ATF7IP: variants seen among roughly 807,000 people sequenced by gnomAD.
The protein encoded by ATF7IP is activating transcription factor 7-interacting protein 1.
ATF7IP carries 23 observed loss-of-function variants against 106.4 expected under a neutral mutation model. The ratio of observed to expected loss-of-function variants is 0.22; its 90% CI spans 0.16 to 0.31. The LOEUF is 0.31. ATF7IP is among the 10% of genes least tolerant of loss of function. The pLI is 1.00. For synonymous variants in ATF7IP, 542 were observed against 539.0 expected (o/e 1.01, Z -0.08); for missense variants, 1,334 against 1,524.3 (o/e 0.88, Z 2.08).
rs778908564 is a variant in ATF7IP, at chr12:14,425,165, A to G, written c.1250A>G (p.Asp417Gly). ...VETINENVIE[D>G]NKSENILENT... is the part of the protein sequence containing the mutation. ...ACGATTAATGAAAATGTTATTGAAG[A>G]TAACAAAAGTGAGAATATCTTAGAA... The change falls in exon 2 of 15, where the codon GAT becomes GGT. Residue 417 changes from aspartate to glycine, a missense_variant. Coordinates refer to ENST00000261168, the MANE Select transcript of ATF7IP (RefSeq NM_018179.5). 6.3e-7 allele frequency: 1 copy of G among 1,593,124 alleles called. No individual in the cohort carries two copies. The highest frequency in any genetic ancestry group is 8.5e-7 in the Non-Finnish European group (1 of 1,174,018).
chr12:14,395,444 T>G (rs1000878799), intron 1 of ATF7IP, among the ~76,000 whole-genome samples: 4 of 152,214 alleles, frequency 2.6e-5, no homozygotes, highest in Non-Finnish European at 4.4e-5. Context: ...AATGTAATTT[T>G]CATCTTCTCA....
chr12:14,423,340 T>C (rs1941636590), intron 1 of ATF7IP, among the ~76,000 whole-genome samples: 1 of 152,096 alleles, frequency 6.6e-6, no homozygotes, highest in Non-Finnish European at 1.5e-5. Flanking sequence ...GATAAAAGTC[T>C]TATCAGGCAT....
chr12:14,416,575 G>T (rs1321916397), intron 1 of ATF7IP, among the ~76,000 whole-genome samples: 1 of 152,102 alleles, frequency 6.6e-6, no homozygotes, highest in African/African-American at 2.4e-5. Context: ...CAACAATCGT[G>T]GTACTTAGTT....
intron 13 of ATF7IP, chr12:14,481,728 TCTCTA>T (rs1565549784): frequency 6.9e-6 from 2 of 291,832 alleles, no homozygotes; most frequent in African/African-American, 4.6e-5. Flanking sequence ...ATTGGTATAT[TCTCTA>T]CTCTATTAAG....
chr12:14,388,660 T>TA (rs1473997825), intron 1 of ATF7IP, among the ~76,000 whole-genome samples: 2 of 152,164 alleles, frequency 1.3e-5, no homozygotes, highest in African/African-American at 4.8e-5. Flanking sequence ...TTTCTTTCTT[T>TA]ACTGGAGACA....
intron 13 of ATF7IP, among the ~76,000 whole-genome samples, chr12:14,485,292 T>C (rs564195506): frequency 6.6e-6 from 1 of 151,892 alleles, no homozygotes; most frequent in East Asian, 1.9e-4. Flanking sequence ...GTCTCCAAAA[T>C]CTAAATCGGC....
At chr12:14,461,944 A>T (rs369670635) in intron 9 of ATF7IP, among the ~76,000 whole-genome samples, 1 of 152,176 alleles carries the variant, frequency 6.6e-6, no homozygotes, top group African/African-American at 2.4e-5. Context: ...AACAAATTCT[A>T]AAGTACAAAA....
At chr12:14,427,088 C>T (rs1240508792) in intron 2 of ATF7IP, among the ~76,000 whole-genome samples, 5 of 150,638 alleles carry the variant, frequency 3.3e-5, no homozygotes, top group Non-Finnish European at 7.4e-5. Flanking sequence ...TGTCTTGCCC[C>T]TTTTAATATC....
chr12:14,424,450 G>A lies in ATF7IP; in HGVS notation c.535G>A (p.Ala179Thr), dbSNP rs1941724599. ...CTCTGGTGATGCAACCTCTGGTGATGCCCCTTCTGGTGATGTGTCCCCTGG... is the reference window on the plus strand; with the variant it reads ...CTCTGGTGATGCAACCTCTGGTGATACCCCTTCTGGTGATGTGTCCCCTGG... ...AASGDATSGDAPSGDVSPGDA... is the reference protein window; with the variant it reads ...AASGDATSGDTPSGDVSPGDA... The change falls in exon 2 of 15, where the codon GCC (alanine) becomes ACC (threonine). Residue 179 changes from alanine to threonine, a missense_variant. This residue lies in a region of ATF7IP where 438 missense variants were observed against 405.3 expected (regional missense o/e 1.08). Coordinates refer to ENST00000261168, the MANE Select transcript of ATF7IP (RefSeq NM_018179.5). 1.9e-6 allele frequency: 3 copies of A among 1,611,344 alleles called. No individual in the cohort carries two copies. The highest frequency in any genetic ancestry group is 2.2e-5 in the East Asian group (1 of 44,854).
intron 6 of ATF7IP, among the ~76,000 whole-genome samples, chr12:14,448,020 A>G (rs2136669017): frequency 6.6e-6 from 1 of 151,546 alleles, no homozygotes; most frequent in East Asian, 1.9e-4. Context: ...TGTATATTGC[A>G]TTATAGTTTT....
At chr12:14,423,560 A>G (rs1438682092) in intron 1 of ATF7IP, among the ~76,000 whole-genome samples, 1 of 35,406 alleles carries the variant, frequency 2.8e-5, no homozygotes, top group Non-Finnish European at 6.1e-5. Context: ...TTTCTTTCTC[A>G]TTTTCTTCAG....
intron 2 of ATF7IP, among the ~76,000 whole-genome samples, chr12:14,431,488 G>A (rs1289958626): frequency 1.3e-5 from 2 of 151,264 alleles, no homozygotes; most frequent in East Asian, 1.9e-4. Flanking sequence ...TCCGCCTCCC[G>A]GGTTCAAGCG....
rs1288980197 is a variant in ATF7IP at position 14,456,553 on chromosome 12, T to TC, written c.1996-3dup. 1.1e-5 allele frequency: 18 copies of TC among 1,604,236 alleles called. No individual in the cohort carries two copies. Among genetic ancestry groups the TC allele is most frequent in the Non-Finnish European group, 1.5e-5 (18 of 1,173,868 alleles). On this transcript the variant is annotated splice_polypyrimidine_tract_variant and splice_region_variant and intron_variant, in intron 6 of 14. Coordinates refer to ENST00000261168, the MANE Select transcript of ATF7IP (RefSeq NM_018179.5). ...TTATTTTTACCTTGATTTTTTTTTC[T>TC]CCCCCAGCATCCACCCAACCCACCA...
intron 13 of ATF7IP, 50 bp downstream of exon 13, chr12:14,481,235 A>C (rs1455421303): frequency 1.3e-6 from 2 of 1,596,306 alleles, no homozygotes; most frequent in South Asian, 2.2e-5. Flanking sequence ...AGTTCTCTTC[A>C]GCATTTAGTT....
intron 1 of ATF7IP, among the ~76,000 whole-genome samples, chr12:14,397,187 A>C (rs1254189888): frequency 2.6e-5 from 4 of 152,110 alleles, no homozygotes; most frequent in African/African-American, 9.7e-5. Flanking sequence ...AAAAACAAAC[A>C]AAAAAACAAA....
At chr12:14,420,459 C>G (rs777786584) in intron 1 of ATF7IP, 1 of 152,338 alleles carries the variant, frequency 6.6e-6, no homozygotes, top group Non-Finnish European at 1.5e-5. Flanking sequence ...AAAACCTCAT[C>G]TCTACTAAAA....
intron 1 of ATF7IP, among the ~76,000 whole-genome samples, chr12:14,396,561 T>C (rs1939854535): frequency 6.6e-6 from 1 of 152,222 alleles, no homozygotes; most frequent in Non-Finnish European, 1.5e-5. Flanking sequence ...TCAATTTTGA[T>C]TGATGTGTTT....
At position 14,426,079 on chromosome 12, in the gene ATF7IP, A is replaced by G. The variant is rs375043550; in HGVS notation, c.1558+606A>G. ...TTCTGAATGAGCTCCCTGTAACCCA[A>G]TTCTCTTATTTGATATTGTCCGTCT... On this transcript the variant is annotated intron_variant, in intron 2 of 14. Transcript: ENST00000261168. Among the ~76,000 whole-genome samples, 122 of 151,984 alleles carry G rather than the reference A, an allele frequency of 8.0e-4. 4 individuals are homozygous for G. In the South Asian group the frequency reaches 0.022, roughly 27 times the overall value.
rs376421793 is a variant in ATF7IP, at chr12:14,490,183, C to T, written c.3281-6048C>T. ...CTACTATGTTCATGAGCCCATTGGGCGATGACACGGGTGGCTGCGGATAGA... is the reference window on the plus strand; with the variant it reads ...CTACTATGTTCATGAGCCCATTGGGTGATGACACGGGTGGCTGCGGATAGA... On this transcript the variant is annotated intron_variant, in intron 13 of 14. Transcript: ENST00000261168. Among the ~76,000 whole-genome samples, 20 of 152,304 alleles carry T rather than the reference C, an allele frequency of 1.3e-4. No homozygotes were observed. The South Asian group carries it at 2.1e-3, about 16-fold the overall frequency.
Sources: allele counts gnomAD v4.1 joint callset (sites outside exome capture counted in the v4.1 genomes callset), GRCh38; gene constraint gnomAD v4.1.1; regional missense constraint gnomAD v4.1.1; transcripts MANE v1.5; gene names NCBI Gene and HGNC (gene_info 2026-07-23, HGNC 2026-07-21).